AKT3: variants seen among roughly 807,000 people sequenced by gnomAD.
AKT3 encodes the protein AKT serine/threonine kinase 3, also known as RAC-gamma serine/threonine-protein kinase.
Under a neutral mutation model 65.3 loss-of-function variants are expected in AKT3, and 15 were observed. The observed-to-expected ratio is 0.23, with a 90% CI of 0.15 to 0.35. AKT3 has a LOEUF of 0.35. AKT3 is among the 10% of genes least tolerant of loss of function. The pLI is 1.00. For synonymous variants in AKT3, 206 were observed against 183.8 expected (o/e 1.12, Z -0.98); for missense variants, 243 against 576.5 (o/e 0.42, Z 5.92).
intron 2 of AKT3, among the ~76,000 whole-genome samples, chr1:243,834,188 A>G (rs1694735376): frequency 1.3e-5 from 2 of 152,182 alleles, no homozygotes; most frequent in South Asian, 2.1e-4. Flanking sequence ...TAAATCATAC[A>G]TGTATCATAA....
At chr1:243,706,475 A>G (rs1290571697) in intron 2 of AKT3, among the ~76,000 whole-genome samples, 2 of 152,126 alleles carry the variant, frequency 1.3e-5, no homozygotes, top group African/African-American at 4.8e-5. Flanking sequence ...ACTAACATCA[A>G]TGCTCTACAG....
chr1:243,775,174 ATTTG>A (rs796290279), intron 2 of AKT3, among the ~76,000 whole-genome samples: 8 of 151,408 alleles, frequency 5.3e-5, no homozygotes, highest in Middle Eastern at 3.4e-3. Flanking sequence ...TGTTCCTATT[ATTTG>A]TTTGTTTGTT....
At chr1:243,831,360 T>C (rs902436558) in intron 2 of AKT3, among the ~76,000 whole-genome samples, 2 of 152,160 alleles carry the variant, frequency 1.3e-5, no homozygotes, top group Non-Finnish European at 2.9e-5. Context: ...TGTTGCAATA[T>C]TATACAGACA....
At chr1:243,832,894 C>T (rs896790899) in intron 2 of AKT3, among the ~76,000 whole-genome samples, 5 of 152,120 alleles carry the variant, frequency 3.3e-5, no homozygotes. Flanking sequence ...ATGGGACCAC[C>T]ATCATTAGCA....
intron 6 of AKT3, among the ~76,000 whole-genome samples, chr1:243,629,746 C>T (rs1192968459): frequency 2.0e-5 from 3 of 151,924 alleles, no homozygotes; most frequent in African/African-American, 4.8e-5. Flanking sequence ...GAGCCGAGAT[C>T]GCGCCACTGC....
At chr1:243,488,823 T>C (rs1320196996) in intron 13 of AKT3, among the ~76,000 whole-genome samples, 2 of 152,160 alleles carry the variant, frequency 1.3e-5, no homozygotes, top group Non-Finnish European at 2.9e-5. Context: ...CCACGCACAT[T>C]TGCTAGAATG....
intron 3 of AKT3, among the ~76,000 whole-genome samples, chr1:243,693,290 ATAT>A: frequency 8.3e-6 from 1 of 120,324 alleles, no homozygotes; most frequent in Non-Finnish European, 1.7e-5. Context: ...ATATATATAT[ATAT>A]AACATTTCCC....
At chr1:243,657,415 G>A (rs1206811414) in intron 4 of AKT3, among the ~76,000 whole-genome samples, 1 of 151,990 alleles carries the variant, frequency 6.6e-6, no homozygotes, top group African/African-American at 2.4e-5. Context: ...AAAGAATAAA[G>A]TACTTTAGGA....
intron 2 of AKT3, among the ~76,000 whole-genome samples, chr1:243,795,313 T>A (rs535376830): frequency 7.9e-5 from 12 of 152,190 alleles, no homozygotes; most frequent in African/African-American, 2.4e-4. Context: ...AGCCTATCAG[T>A]ATCTGAAGAT....
rs1427221116 is a variant in AKT3, at chr1:243,503,519, A to C, written c.*1730T>G. 4.3e-6 allele frequency: 1 copy of C among 233,192 alleles called. No homozygotes were observed. The highest frequency in any genetic ancestry group is 5.6e-5 in the Admixed American group (1 of 17,780). 14.4% of individuals were successfully genotyped at this position (233,192 alleles called of 1,614,324 possible). A position where few individuals can be genotyped will look rare whatever the true frequency, so the allele number is the denominator to read the frequency against. On this transcript the variant is annotated 3_prime_UTR_variant, in exon 14 of 14. Coordinates refer to ENST00000673466, the MANE Select transcript of AKT3 (RefSeq NM_005465.7). ...AGTAGGATGGCCTTCTGCTTGCCGCAAGAGTGGCCCCCAGCCCCTAGGACT... is the reference window on the plus strand; with the variant it reads ...AGTAGGATGGCCTTCTGCTTGCCGCCAGAGTGGCCCCCAGCCCCTAGGACT...
intron 2 of AKT3, among the ~76,000 whole-genome samples, chr1:243,791,865 G>A (rs1691651744): frequency 6.6e-6 from 1 of 152,158 alleles, no homozygotes; most frequent in African/African-American, 2.4e-5. Flanking sequence ...TCATTTTAAA[G>A]TGTTATGCAC....
At chr1:243,730,949 A>G (rs974929512) in intron 2 of AKT3, among the ~76,000 whole-genome samples, 2 of 152,122 alleles carry the variant, frequency 1.3e-5, no homozygotes, top group Admixed American at 6.5e-5. Flanking sequence ...GCTCTCTCAC[A>G]CACCCTTCAG....
At chr1:243,583,483 G>A (rs1202241506) in intron 8 of AKT3, among the ~76,000 whole-genome samples, 4 of 146,164 alleles carry the variant, frequency 2.7e-5, no homozygotes, top group Non-Finnish European at 6.0e-5. Context: ...ATTCTTCTCA[G>A]GTGCACATGG....
At chr1:243,808,527 A>G (rs1692902809) in intron 2 of AKT3, among the ~76,000 whole-genome samples, 1 of 152,226 alleles carries the variant, frequency 6.6e-6, no homozygotes, top group South Asian at 2.1e-4. Flanking sequence ...ATATGGGACT[A>G]TGTGAAAAGA....
intron 12 of AKT3, among the ~76,000 whole-genome samples, chr1:243,534,374 C>T (rs748269903): frequency 5.3e-5 from 8 of 152,150 alleles, no homozygotes; most frequent in Non-Finnish European, 7.3e-5. Context: ...AATCAAAATA[C>T]GTGAGGCAAA....
chr1:243,626,119 G>T (rs140072381), intron 6 of AKT3, among the ~76,000 whole-genome samples: 1 of 152,236 alleles, frequency 6.6e-6, no homozygotes, highest in East Asian at 1.9e-4. Flanking sequence ...AAGGGGCCCC[G>T]CTAGGCAGGC....
intron 2 of AKT3, among the ~76,000 whole-genome samples, chr1:243,826,470 T>C (rs1694174959): frequency 6.6e-6 from 1 of 152,170 alleles, no homozygotes; most frequent in Non-Finnish European, 1.5e-5. Context: ...CATAACCCAG[T>C]TCTGGAAAAG....
chr1:243,578,228 G>T (rs1396833235), intron 8 of AKT3, among the ~76,000 whole-genome samples: 1 of 152,026 alleles, frequency 6.6e-6, no homozygotes, highest in South Asian at 2.1e-4. Flanking sequence ...ACAAAGATAC[G>T]TGCATGCATA....
At chr1:243,572,431 C>T (rs762803742) in intron 9 of AKT3, among the ~76,000 whole-genome samples, 3 of 152,102 alleles carry the variant, frequency 2.0e-5, no homozygotes, top group Non-Finnish European at 4.4e-5. Flanking sequence ...GAACTTACAG[C>T]AGTCAAAACA....
Sources: gnomAD v4.1 joint callset for allele counts (sites outside exome capture counted in the v4.1 genomes callset) on GRCh38, gnomAD v4.1.1 for gene constraint, MANE v1.5 for transcripts, NCBI Gene and HGNC (gene_info 2026-07-23, HGNC 2026-07-21) for gene names.